DENND1B: variants seen among roughly 807,000 people sequenced by gnomAD.
DENND1B encodes the protein DENN domain containing 1B.
DENND1B carries 59 observed loss-of-function variants against 90.1 expected under a neutral mutation model. The observed-to-expected ratio is 0.65, with a 90% CI of 0.53 to 0.81. The LOEUF (loss-of-function observed/expected upper bound fraction) is 0.81, where lower values mean the gene tolerates loss of function less well. Among genes scored for constraint, DENND1B ranks in the 40% least tolerant of loss-of-function variants. The pLI is 0.00. For missense variants in DENND1B, 862 were observed against 912.6 expected, an observed-to-expected ratio of 0.94 and a Z score of 0.71; for synonymous variants, 337 against 324.6, an observed-to-expected ratio of 1.04 and a Z score of -0.41.
chr1:197,664,777 A>G (rs1236132368), intron 5 of DENND1B, among the ~76,000 whole-genome samples: 1 of 152,150 alleles, frequency 6.6e-6, no homozygotes, highest in African/African-American at 2.4e-5. Flanking sequence ...CAAAATGTGT[A>G]AAATTGAAAC....
At position 197,510,877 on chromosome 1, in the gene DENND1B, G is replaced by A; in HGVS notation, c.1911C>T (p.Ala637=). Residue 637 remains alanine (A), a synonymous_variant, in exon 23 of 23, where the codon GCC becomes GCT. Coordinates refer to ENST00000620048, the MANE Select transcript of DENND1B (RefSeq NM_001195215.2). The part of the protein sequence containing the change: ...AEWNLGQDDS[A]LHGKHLPPSP... The stretch of plus-strand genomic sequence containing the variant: ...ATGGAGGGAGGTGTTTGCCATGGAG[G>A]GCACTATCGTCTTGCCCAAGATTCC... 6.2e-7 allele frequency: 1 copy of A among 1,609,904 alleles called. No homozygotes were observed. The highest frequency in any genetic ancestry group is 1.1e-5 in the South Asian group (1 of 90,474).
rs541117799 is a variant in DENND1B at position 197,556,832 on chromosome 1, T to G, written c.1150-3720A>C. On this transcript the variant is annotated intron_variant, in intron 15 of 22. Coordinates refer to ENST00000620048, the MANE Select transcript of DENND1B (RefSeq NM_001195215.2). ...AAATAATAAAGTCCACTTTCCCCAG[T>G]ACCACCACCTTTTCTATCTCTGTCC... is the stretch of plus-strand genomic sequence containing the variant. Among the ~76,000 whole-genome samples, 13 of 152,122 alleles carry G rather than the reference T, an allele frequency of 8.5e-5. No homozygotes were observed. In the South Asian group the frequency reaches 2.7e-3, roughly 32 times the overall value.
Position 197,633,388 on chromosome 1 carries a change from T to C in DENND1B, c.672+9323A>G, listed in dbSNP as rs114056602. Among the ~76,000 whole-genome samples the C allele has an allele frequency of 4.4e-3, 672 of 152,232 alleles. 10 individuals are homozygous for C. The highest frequency in any genetic ancestry group is 0.015 in the African/African-American group (629 of 41,540). ...TCACTGCCTGATCTGTGAAAATGGA[T>C]CTGGACTCTGGATATTTTTCCTTTT... On this transcript the variant is annotated intron_variant, in intron 10 of 22. Transcript: ENST00000620048.
intron 3 of DENND1B, among the ~76,000 whole-genome samples, chr1:197,683,710 T>C (rs1656932419): frequency 1.3e-5 from 2 of 152,226 alleles, no homozygotes; most frequent in South Asian, 4.1e-4. Context: ...TAAGCAACTT[T>C]ATTATCATAT....
chr1:197,547,457 T>C (rs1670899626), intron 16 of DENND1B, among the ~76,000 whole-genome samples: 1 of 152,298 alleles, frequency 6.6e-6, no homozygotes, highest in East Asian at 1.9e-4. Flanking sequence ...GCATCCCTAA[T>C]CAACATCAGG....
In DENND1B at chr1:197,510,380, C is replaced by A; in HGVS notation, c.*80G>T. On this transcript the variant is annotated 3_prime_UTR_variant, in exon 23 of 23. Coordinates refer to ENST00000620048, the MANE Select transcript of DENND1B (RefSeq NM_001195215.2). ...AAAAAAATTTAAATAGTATGAGTTG[C>A]CATTCCTACAAATAATTCTGTTTAT... 7.0e-7 allele frequency: 1 copy of A among 1,435,010 alleles called. No individual in the cohort carries two copies. The highest frequency in any genetic ancestry group is 9.2e-7 in the Non-Finnish European group (1 of 1,081,224). 88.9% of individuals were successfully genotyped at this position (1,435,010 alleles called of 1,614,324 possible).
At chr1:197,636,064 A>C (rs1679762845) in intron 10 of DENND1B, among the ~76,000 whole-genome samples, 1 of 152,148 alleles carries the variant, frequency 6.6e-6, no homozygotes, top group Non-Finnish European at 1.5e-5. Context: ...AAAACTCAGA[A>C]AGACAAGTTT....
intron 16 of DENND1B, among the ~76,000 whole-genome samples, chr1:197,551,126 G>A: frequency 6.8e-6 from 1 of 148,086 alleles, no homozygotes; most frequent in Non-Finnish European, 1.5e-5. Context: ...CTAGATAGAT[G>A]GATATCTTCT....
rs555105144 is a variant in DENND1B, at chr1:197,523,664, A to T, written c.1516-10711T>A. Among the ~76,000 whole-genome samples, 13 of 152,316 alleles carry T rather than the reference A, an allele frequency of 8.5e-5. No homozygotes were observed. In the South Asian group the frequency reaches 2.7e-3, roughly 32 times the overall value. ...AAGACTCTACTCTAAGCACAAGATA[A>T]TAGCAGCCCATTACAGGCAATGATA... On this transcript the variant is annotated intron_variant, in intron 20 of 22. Transcript: ENST00000620048.
intron 4 of DENND1B, 43 bp from the exon 5 acceptor site, chr1:197,672,199 A>G: frequency 6.5e-7 from 1 of 1,539,992 alleles, no homozygotes; most frequent in Non-Finnish European, 8.7e-7. Flanking sequence ...CTTGTTTGAC[A>G]ATTTTCTTCA....
rs1247287518 is a variant in DENND1B, at chr1:197,505,993, C to T, written c.*4467G>A. On this transcript the variant is annotated 3_prime_UTR_variant, in exon 23 of 23. Coordinates refer to ENST00000620048, the MANE Select transcript of DENND1B (RefSeq NM_001195215.2). ...GTTGCTGAGGCAGTTAGTTATGATA[C>T]AACAACACAATATCCATAATAATTT... 4 of 151,520 alleles carry T rather than the reference C, an allele frequency of 2.6e-5. No homozygotes were observed. The highest frequency in any genetic ancestry group is 4.8e-5 in the African/African-American group (2 of 41,340). 9.4% of individuals were successfully genotyped at this position (151,520 alleles called of 1,614,324 possible). A position where few individuals can be genotyped will look rare whatever the true frequency, so the allele number is the denominator to read the frequency against.
intron 2 of DENND1B, among the ~76,000 whole-genome samples, chr1:197,721,897 A>G (rs544377906): frequency 6.6e-6 from 1 of 152,174 alleles, no homozygotes; most frequent in East Asian, 1.9e-4. Context: ...GTGACACTGG[A>G]ACCACATGAT....
chr1:197,735,089 T>C (rs542216104), intron 2 of DENND1B: 2 of 970,508 alleles, frequency 2.1e-6, no homozygotes, highest in African/African-American at 1.8e-5. Context: ...CATAAAACAA[T>C]AATATGCAAT....
intron 12 of DENND1B, among the ~76,000 whole-genome samples, 189 bp from the exon 13 acceptor site, chr1:197,607,363 G>T (rs1018249945): frequency 2.7e-5 from 4 of 150,718 alleles, no homozygotes; most frequent in African/African-American, 9.7e-5. Context: ...CATACGAAAA[G>T]ATTTAGTAAA....
chr1:197,529,407 C>T (rs1669459102), intron 20 of DENND1B, among the ~76,000 whole-genome samples: 1 of 150,656 alleles, frequency 6.6e-6, no homozygotes, highest in South Asian at 2.1e-4. Context: ...TATGCGTGTG[C>T]CAGGGTTTTA....
intron 10 of DENND1B, among the ~76,000 whole-genome samples, chr1:197,634,626 T>C (rs1226423172): frequency 6.6e-6 from 1 of 152,098 alleles, no homozygotes; most frequent in Non-Finnish European, 1.5e-5. Flanking sequence ...GCATAGACTT[T>C]TAAAAAAAAT....
Position 197,509,589 on chromosome 1 carries a change from T to C in DENND1B, c.*871A>G, listed in dbSNP as rs1359334726. 6.6e-6 allele frequency: 1 copy of C among 151,688 alleles called. No homozygotes were observed. The highest frequency in any genetic ancestry group is 1.5e-5 in the Non-Finnish European group (1 of 67,758). The allele number at this position is 151,688 out of a possible 1,614,324, so 9.4% of individuals were successfully genotyped here. ...AAAAAGTAAATTTGAGATGATGATA[T>C]GAAGCATTTTGATAGAGAATTATTA... On this transcript the variant is annotated 3_prime_UTR_variant, in exon 23 of 23. Coordinates refer to ENST00000620048, the MANE Select transcript of DENND1B (RefSeq NM_001195215.2).
chr1:197,525,976 A>C (rs1669107195), intron 20 of DENND1B, among the ~76,000 whole-genome samples: 1 of 152,146 alleles, frequency 6.6e-6, no homozygotes, highest in Admixed American at 6.5e-5. Context: ...GAAACTTCAG[A>C]GAAGGTTGAA....
chr1:197,768,952 T>A (rs1656067681), intron 2 of DENND1B, among the ~76,000 whole-genome samples: 1 of 152,140 alleles, frequency 6.6e-6, no homozygotes, highest in Non-Finnish European at 1.5e-5. Flanking sequence ...AGGAGCTTTA[T>A]CAAGTTATAT....
Sources: gnomAD v4.1 joint callset for allele counts (sites outside exome capture counted in the v4.1 genomes callset) on GRCh38, gnomAD v4.1.1 for gene constraint, MANE v1.5 for transcripts, NCBI Gene and HGNC (gene_info 2026-07-23, HGNC 2026-07-21) for gene names.